Variants in CNTN5 observed in about 807,000 individuals in gnomAD.
CNTN5 encodes contactin 5.
Under a neutral mutation model 129.1 loss-of-function variants are expected in CNTN5, and 77 were observed. The ratio of observed to expected loss-of-function variants is 0.60; its 90% CI spans 0.50 to 0.72. CNTN5 has a LOEUF of 0.72. CNTN5 is among the 30% of genes least tolerant of loss of function. CNTN5 has a pLI of 0.00. For missense variants in CNTN5, 1,478 were observed against 1,328.8 expected, an observed-to-expected ratio of 1.11 and a Z score of -1.75; for synonymous variants, 509 against 465.6, an observed-to-expected ratio of 1.09 and a Z score of -1.20.
Position 100,071,340 on chromosome 11 carries a change from CTA to C in CNTN5, c.1300-361_1300-360del, listed in dbSNP as rs541036690. Among the ~76,000 whole-genome samples, 19 of 152,206 alleles carry C rather than the reference CTA, an allele frequency of 1.2e-4. 1 individual carries two copies. The South Asian group carries it at 2.5e-3, about 20-fold the overall frequency. On this transcript the variant is annotated intron_variant, in intron 11 of 24. Transcript: ENST00000524871. The stretch of plus-strand genomic sequence containing the variant: ...GTGTCTACAACCTCAGTCTTTTCTA[CTA>C]TATGAATCCTTCTTTCCCTTTGTAA...
At chr11:99,912,593 C>T (rs1949689986) in intron 6 of CNTN5, among the ~76,000 whole-genome samples, 1 of 151,540 alleles carries the variant, frequency 6.6e-6, no homozygotes, top group African/African-American at 2.4e-5. Flanking sequence ...CCCAAGTCTA[C>T]ACTCCATCAT....
intron 2 of CNTN5, among the ~76,000 whole-genome samples, chr11:99,348,535 G>A (rs1938067559): frequency 6.6e-6 from 1 of 152,154 alleles, no homozygotes; most frequent in Non-Finnish European, 1.5e-5. Flanking sequence ...CCTGCCAACT[G>A]CAAATGGAGA....
intron 4 of CNTN5, among the ~76,000 whole-genome samples, chr11:99,829,623 A>G (rs574207040): frequency 1.2e-4 from 18 of 152,320 alleles, no homozygotes; most frequent in Admixed American, 2.6e-4. Context: ...GTTATTTTGG[A>G]TAATAGCTTT....
intron 2 of CNTN5, among the ~76,000 whole-genome samples, chr11:99,536,438 TA>T (rs1044002945): frequency 3.3e-5 from 5 of 152,068 alleles, no homozygotes; most frequent in African/African-American, 1.2e-4. Context: ...TAAGGAATCT[TA>T]AAAACCGACT....
At chr11:99,045,548 G>T (rs1010161500) in intron 1 of CNTN5, among the ~76,000 whole-genome samples, 2 of 152,114 alleles carry the variant, frequency 1.3e-5, no homozygotes, top group African/African-American at 2.4e-5. Flanking sequence ...AATTACAAAA[G>T]ATTTTACTTT....
chr11:100,235,494 C>T (rs1300961806), intron 16 of CNTN5, among the ~76,000 whole-genome samples: 1 of 152,094 alleles, frequency 6.6e-6, no homozygotes, highest in Non-Finnish European at 1.5e-5. Flanking sequence ...GATGATGGTT[C>T]TTCCTCCCCT....
At chr11:99,076,024 T>C (rs1312667184) in intron 1 of CNTN5, among the ~76,000 whole-genome samples, 2 of 152,156 alleles carry the variant, frequency 1.3e-5, no homozygotes, top group Non-Finnish European at 2.9e-5. Context: ...GCAACTTATT[T>C]ATTCCAATAC....
chr11:99,716,203 C>A (rs911695356), intron 3 of CNTN5, among the ~76,000 whole-genome samples: 1 of 151,836 alleles, frequency 6.6e-6, no homozygotes, highest in African/African-American at 2.4e-5. Flanking sequence ...CCCTTTGAAC[C>A]CCTTAACAAT....
intron 16 of CNTN5, among the ~76,000 whole-genome samples, chr11:100,240,547 T>C (rs1949718350): frequency 6.6e-6 from 1 of 152,212 alleles, no homozygotes; most frequent in African/African-American, 2.4e-5. Context: ...TTCATTGTTT[T>C]TCAAGTCCTT....
At chr11:99,861,191 T>A (rs1948196260) in intron 6 of CNTN5, among the ~76,000 whole-genome samples, 1 of 152,050 alleles carries the variant, frequency 6.6e-6, no homozygotes, top group Non-Finnish European at 1.5e-5. Flanking sequence ...TCTCCTGACC[T>A]CGTGATCCGC....
chr11:99,861,416 G>A (rs993340192), intron 6 of CNTN5, among the ~76,000 whole-genome samples: 2 of 152,170 alleles, frequency 1.3e-5, no homozygotes, highest in Non-Finnish European at 2.9e-5. Flanking sequence ...AAGGCTGGTG[G>A]TAAACTTAAG....
At chr11:100,096,469 A>C (rs1245408379) in intron 13 of CNTN5, among the ~76,000 whole-genome samples, 1 of 151,904 alleles carries the variant, frequency 6.6e-6, no homozygotes, top group African/African-American at 2.4e-5. Flanking sequence ...GTGTGTAAAC[A>C]ACTACTTCAC....
intron 1 of CNTN5, among the ~76,000 whole-genome samples, chr11:99,181,771 A>G (rs1238298561): frequency 1.3e-5 from 2 of 152,146 alleles, no homozygotes; most frequent in African/African-American, 4.8e-5. Flanking sequence ...CACTGTACCC[A>G]TATTTTGGCT....
At chr11:100,181,290 T>C (rs1238914007) in intron 13 of CNTN5, among the ~76,000 whole-genome samples, 1 of 144,570 alleles carries the variant, frequency 6.9e-6, no homozygotes, top group East Asian at 2.0e-4. Context: ...AGTAAACTGA[T>C]TGAAAAAAAC....
At chr11:100,022,675 G>A (rs34747759) in intron 9 of CNTN5, among the ~76,000 whole-genome samples, 234 of 151,794 alleles carry the variant, frequency 1.5e-3, no homozygotes, top group African/African-American at 3.6e-3. Flanking sequence ...ATTTTCTTTC[G>A]GCCTGTTCCT....
chr11:100,275,566 T>G (rs182225178), intron 18 of CNTN5, among the ~76,000 whole-genome samples: 394 of 152,304 alleles, frequency 2.6e-3, no homozygotes, highest in African/African-American at 9.0e-3. Context: ...AATCTCCTTG[T>G]GCTATTAAAA....
intron 3 of CNTN5, among the ~76,000 whole-genome samples, chr11:99,785,570 A>G (rs969955177): frequency 1.3e-5 from 2 of 152,152 alleles, no homozygotes; most frequent in Admixed American, 6.6e-5. Context: ...GATATTCCTG[A>G]TGAACATCGA....
chr11:99,306,683 A>G (rs1032626832), intron 1 of CNTN5, among the ~76,000 whole-genome samples: 15 of 151,242 alleles, frequency 9.9e-5, no homozygotes, highest in Non-Finnish European at 2.1e-4. Context: ...GCAGTGAGCC[A>G]AGATCGTGCC....
At chr11:99,590,724 A>G (rs946066982) in intron 3 of CNTN5, among the ~76,000 whole-genome samples, 11 of 152,226 alleles carry the variant, frequency 7.2e-5, no homozygotes, top group African/African-American at 9.6e-5. Context: ...AGGCAAACAC[A>G]GAAAGACTAT....
Sources: gnomAD v4.1 joint callset for allele counts (sites outside exome capture counted in the v4.1 genomes callset) on GRCh38, gnomAD v4.1.1 for gene constraint, MANE v1.5 for transcripts, NCBI Gene and HGNC (gene_info 2026-07-23, HGNC 2026-07-21) for gene names.